The following CLPB variants were observed in gnomAD, a reference collection of about 807,000 sequenced individuals.
The protein encoded by CLPB is mitochondrial disaggregase.
In CLPB, 40 loss-of-function variants were observed where a neutral mutation model predicts 78.4. The observed-to-expected ratio is 0.51, with a 90% CI of 0.40 to 0.66. The LOEUF is 0.66. Among genes scored for constraint, CLPB ranks in the 30% least tolerant of loss-of-function variants. The pLI, the probability that CLPB is intolerant of heterozygous loss-of-function variation, is 0.00. For synonymous variants in CLPB, 333 were observed against 348.0 expected, an observed-to-expected ratio of 0.96 and a Z score of 0.48; for missense variants, 780 against 886.9, an observed-to-expected ratio of 0.88 and a Z score of 1.53.
intron 2 of CLPB, among the ~76,000 whole-genome samples, chr11:72,421,944 C>T (rs1416647051): frequency 6.6e-6 from 1 of 152,164 alleles, no homozygotes; most frequent in African/African-American, 2.4e-5. Flanking sequence ...GTGATCTGGA[C>T]CCTTCCAGAA....
chr11:72,351,261 C>G (rs1445448780), intron 5 of CLPB: 1 of 152,254 alleles, frequency 6.6e-6, no homozygotes, highest in Non-Finnish European at 1.5e-5. Context: ...GCTGTGACCT[C>G]TTTGCCACAC....
At position 72,357,495 on chromosome 11, in the gene CLPB, G is replaced by A. The variant is rs563024007; in HGVS notation, c.775+1385C>T. On this transcript the variant is annotated intron_variant, in intron 5 of 15. Transcript: ENST00000538039. ...GTGGATCACCTGAGGTTGAGAGTTCGAGACCAGCCTGACCAACATGGAGAA... is the reference window on the plus strand; with the variant it reads ...GTGGATCACCTGAGGTTGAGAGTTCAAGACCAGCCTGACCAACATGGAGAA... 6.6e-5 allele frequency among the ~76,000 whole-genome samples: 10 copies of A among 152,012 alleles called. 1 individual carries two copies. Among genetic ancestry groups the A allele is most frequent in the African/African-American group, 2.4e-4 (10 of 41,466 alleles).
At chr11:72,379,521 A>G (rs926262046) in intron 4 of CLPB, among the ~76,000 whole-genome samples, 8 of 152,158 alleles carry the variant, frequency 5.3e-5, no homozygotes, top group Non-Finnish European at 8.8e-5. Flanking sequence ...GCACCCCCCA[A>G]CAGACACATG....
intron 3 of CLPB, among the ~76,000 whole-genome samples, chr11:72,388,706 T>C (rs1855158041): frequency 6.6e-6 from 1 of 152,292 alleles, no homozygotes; most frequent in East Asian, 1.9e-4. Context: ...CATGTACTTA[T>C]AAAGTATCTA....
intron 3 of CLPB, among the ~76,000 whole-genome samples, chr11:72,402,569 C>T (rs1168964049): frequency 6.6e-6 from 1 of 152,058 alleles, no homozygotes; most frequent in Non-Finnish European, 1.5e-5. Context: ...TCAGAACTTC[C>T]AAAGAAAAAG....
Position 72,292,540 on chromosome 11 carries a change from A to G in CLPB, c.*827T>C, listed in dbSNP as rs1338014557. ...CCATGGCCATGTGGGCAGAGGTCAA[A>G]CCCATGATCTCTCTTCCTACAGCTT... is the stretch of plus-strand genomic sequence containing the variant. On this transcript the variant is annotated 3_prime_UTR_variant, in exon 16 of 16. Transcript: ENST00000538039. 6.6e-6 allele frequency: 1 copy of G among 152,278 alleles called. No individual in the cohort carries two copies. The highest frequency in any genetic ancestry group is 1.5e-5 in the Non-Finnish European group (1 of 68,090). The allele number at this position is 152,278 out of a possible 1,614,324, so 9.4% of individuals were successfully genotyped here.
Position 72,350,903 on chromosome 11 carries a change from T to A in CLPB, c.775+7977A>T, listed in dbSNP as rs138316450. Among the ~76,000 whole-genome samples, 425 of 152,342 alleles carry A rather than the reference T, an allele frequency of 2.8e-3. 1 individual carries two copies. The highest frequency in any genetic ancestry group is 9.5e-3 in the African/African-American group (395 of 41,568). On this transcript the variant is annotated intron_variant, in intron 5 of 15. Coordinates refer to ENST00000538039, the MANE Select transcript of CLPB (RefSeq NM_001258392.3). ...TACACAATTTAGAGGAGGTTTCTCG[T>A]ATACTTAGAGAGTTGTGCAACCATC...
chr11:72,363,438 G>T (rs1043177429), intron 4 of CLPB: 1 of 152,240 alleles, frequency 6.6e-6, no homozygotes, highest in East Asian at 1.9e-4. Context: ...ACTCCCAGAA[G>T]CCGGTGCCAT....
chr11:72,322,674 G>A (rs574850360), intron 6 of CLPB, among the ~76,000 whole-genome samples: 5 of 152,284 alleles, frequency 3.3e-5, no homozygotes, highest in East Asian at 1.9e-4. Context: ...TATCAGAGAC[G>A]TGTGATGTTG....
At chr11:72,424,615 C>G (rs1856309918) in intron 2 of CLPB, among the ~76,000 whole-genome samples, 3 of 151,926 alleles carry the variant, frequency 2.0e-5, no homozygotes, top group Admixed American at 6.6e-5. Flanking sequence ...ACAAAAATAC[C>G]CTGGGCGTGG....
At chr11:72,411,461 G>A (rs975100250) in intron 2 of CLPB, among the ~76,000 whole-genome samples, 2 of 152,126 alleles carry the variant, frequency 1.3e-5, no homozygotes, top group Non-Finnish European at 2.9e-5. Flanking sequence ...ACTTTTATCT[G>A]CAGTAAAAGA....
intron 9 of CLPB, chr11:72,302,703 G>A (rs892462100): frequency 7.4e-5 from 22 of 295,598 alleles, no homozygotes; most frequent in South Asian, 1.1e-4. Context: ...GCTGGACACC[G>A]GAGTTACAAC....
intron 5 of CLPB, among the ~76,000 whole-genome samples, chr11:72,347,555 T>C (rs907110105): frequency 2.0e-5 from 3 of 152,204 alleles, no homozygotes; most frequent in Non-Finnish European, 4.4e-5. Context: ...TGATTGGAGA[T>C]GGGGTGAGAG....
intron 3 of CLPB, among the ~76,000 whole-genome samples, chr11:72,399,570 T>C (rs764030683): frequency 2.0e-5 from 3 of 152,214 alleles, no homozygotes; most frequent in Non-Finnish European, 2.9e-5. Flanking sequence ...ACCTAGAAAT[T>C]CATAAGACAT....
At chr11:72,332,596 CCCT>C (rs756716613) in intron 5 of CLPB, among the ~76,000 whole-genome samples, 5 of 152,132 alleles carry the variant, frequency 3.3e-5, no homozygotes, top group Non-Finnish European at 7.4e-5. Flanking sequence ...AACATTTTCA[CCCT>C]CCTCCAAAAG....
chr11:72,295,947 CAGTT>C (rs1435538796), intron 11 of CLPB, among the ~76,000 whole-genome samples: 1 of 152,244 alleles, frequency 6.6e-6, no homozygotes, highest in South Asian at 2.1e-4. Context: ...AAGTCAGTCA[CAGTT>C]AGCCATTCAT....
chr11:72,371,532 CAAAAATAAAA>C (rs1951041565), intron 4 of CLPB, among the ~76,000 whole-genome samples: 1 of 117,588 alleles, frequency 8.5e-6, no homozygotes, highest in Admixed American at 1.0e-4. Context: ...GACTCTGTCT[CAAAAATAAAA>C]TAAAATAAAA....
rs1332560909 is a variant in CLPB at position 72,289,930 on chromosome 11, TTGCA to T, written c.*3433_*3436del. On this transcript the variant is annotated 3_prime_UTR_variant, in exon 16 of 16. Transcript: ENST00000538039. ...GAATAATAAATTCAGGTGCTTGTAT[TTGCA>T]TGTTTTAACATATATACATATATGT... is the stretch of plus-strand genomic sequence containing the variant. 2.6e-5 allele frequency: 4 copies of T among 152,178 alleles called. No individual in the cohort carries two copies. Among genetic ancestry groups the T allele is most frequent in the African/African-American group, 9.7e-5 (4 of 41,434 alleles). 9.4% of individuals were successfully genotyped at this position (152,178 alleles called of 1,614,324 possible).
chr11:72,333,580 T>A (rs970245939), intron 5 of CLPB, among the ~76,000 whole-genome samples: 2 of 152,230 alleles, frequency 1.3e-5, no homozygotes, highest in Admixed American at 1.3e-4. Flanking sequence ...TCTTTAAGAT[T>A]ATTAGGTGCT....
Sources: gnomAD v4.1 joint callset for allele counts (sites outside exome capture counted in the v4.1 genomes callset) on GRCh38, gnomAD v4.1.1 for gene constraint, MANE v1.5 for transcripts, NCBI Gene and HGNC (gene_info 2026-07-23, HGNC 2026-07-21) for gene names.